QTMAN: variants seen among roughly 807,000 people sequenced by gnomAD.
QTMAN encodes tRNA-queuosine alpha-mannosyltransferase.
the QTMAN span, among the ~76,000 whole-genome samples, chr2:143,979,722 GAT>G: frequency 6.6e-6 from 1 of 152,072 alleles, no homozygotes; most frequent in Non-Finnish European, 1.5e-5. Context: ...AGCACATATA[GAT>G]ATCTCATTTT....
chr2:144,257,331 A>T, the QTMAN span, among the ~76,000 whole-genome samples: 1 of 152,122 alleles, frequency 6.6e-6, no homozygotes, highest in Non-Finnish European at 1.5e-5. Context: ...GAGTTATGAT[A>T]TTAAGTTTCT....
the QTMAN span, among the ~76,000 whole-genome samples, chr2:144,045,101 G>C: frequency 6.6e-6 from 1 of 152,146 alleles, no homozygotes; most frequent in Admixed American, 6.5e-5. Context: ...TGCTAAAGAG[G>C]GGCACAACCC....
the QTMAN span, among the ~76,000 whole-genome samples, chr2:144,133,116 AATATATATATAT>A: frequency 6.8e-4 from 28 of 41,370 alleles, no homozygotes; most frequent in African/African-American, 2.9e-3. Context: ...AATGACTGGT[AATATATATATAT>A]ATATATATAT....
At chr2:144,022,642 C>T in the QTMAN span, among the ~76,000 whole-genome samples, 1 of 142,772 alleles carries the variant, frequency 7.0e-6, no homozygotes, top group Admixed American at 7.3e-5. Flanking sequence ...CGGCTCATTG[C>T]AACTTCCGCC....
At chr2:144,102,511 C>G in the QTMAN span, among the ~76,000 whole-genome samples, 1 of 152,188 alleles carries the variant, frequency 6.6e-6, no homozygotes, top group Admixed American at 6.5e-5. Flanking sequence ...GGTCAAATAG[C>G]TGGTAAGTGA....
At chr2:144,124,130 G>A in the QTMAN span, among the ~76,000 whole-genome samples, 1 of 152,056 alleles carries the variant, frequency 6.6e-6, no homozygotes, top group African/African-American at 2.4e-5. Context: ...TAGTAGAAGC[G>A]TTCTAAATTT....
At chr2:144,120,477 C>G in the QTMAN span, among the ~76,000 whole-genome samples, 1 of 152,126 alleles carries the variant, frequency 6.6e-6, no homozygotes, top group South Asian at 2.1e-4. Flanking sequence ...GTAAGATAAC[C>G]AGAAGGAAAT....
chr2:143,952,760 T>C, the QTMAN span: 5 of 1,531,510 alleles, frequency 3.3e-6, no homozygotes, highest in Non-Finnish European at 4.5e-6. Context: ...TGAATGTACA[T>C]TAAAGCAGCT....
chr2:144,249,746 CAG>C, the QTMAN span, among the ~76,000 whole-genome samples: 1 of 152,092 alleles, frequency 6.6e-6, no homozygotes, highest in Non-Finnish European at 1.5e-5. Context: ...TAAATTATTA[CAG>C]AGAGTGGACA....
the QTMAN span, among the ~76,000 whole-genome samples, chr2:144,122,246 G>A: frequency 7.2e-5 from 11 of 152,098 alleles, no homozygotes; most frequent in African/African-American, 2.7e-4. Flanking sequence ...CTGACAAAGG[G>A]CAGTACTTCT....
chr2:144,126,555 A>AGTG, the QTMAN span, among the ~76,000 whole-genome samples: 1 of 152,062 alleles, frequency 6.6e-6, no homozygotes, highest in Non-Finnish European at 1.5e-5. Context: ...GTCCTCACTT[A>AGTG]ACGGCTTCAA....
the QTMAN span, among the ~76,000 whole-genome samples, chr2:144,099,511 A>G: frequency 1.1e-3 from 169 of 152,338 alleles, 2 homozygotes; most frequent in Admixed American, 1.3e-3. Flanking sequence ...GTATTCAAGC[A>G]AGGAAATGTG....
At chr2:144,332,850 T>C in the QTMAN span, among the ~76,000 whole-genome samples, 1 of 152,306 alleles carries the variant, frequency 6.6e-6, no homozygotes, top group Admixed American at 6.5e-5. Flanking sequence ...CCCAACCTCC[T>C]AGTCCTGTTC....
chr2:144,238,712 C>T, the QTMAN span, among the ~76,000 whole-genome samples: 1 of 152,088 alleles, frequency 6.6e-6, no homozygotes, highest in African/African-American at 2.4e-5. Context: ...ATCAATAACA[C>T]AGTTCTTCCA....
chr2:143,958,699 G>A, the QTMAN span, among the ~76,000 whole-genome samples: 1 of 151,512 alleles, frequency 6.6e-6, no homozygotes, highest in Non-Finnish European at 1.5e-5. Flanking sequence ...CTACAGGAGT[G>A]TGGACATTCT....
the QTMAN span, among the ~76,000 whole-genome samples, chr2:144,200,536 T>C: frequency 6.6e-6 from 1 of 152,178 alleles, no homozygotes; most frequent in African/African-American, 2.4e-5. Context: ...AAAAGAAATC[T>C]CATAATGTTT....
At chr2:144,063,033 A>T in the QTMAN span, among the ~76,000 whole-genome samples, 3 of 152,180 alleles carry the variant, frequency 2.0e-5, no homozygotes, top group African/African-American at 7.2e-5. Context: ...TTGGCCAATT[A>T]GAGTCATTTT....
At chr2:144,106,378 A>G in the QTMAN span, among the ~76,000 whole-genome samples, 1 of 152,234 alleles carries the variant, frequency 6.6e-6, no homozygotes, top group South Asian at 2.1e-4. Flanking sequence ...ATGCAGAGAC[A>G]CACATAGGCT....
the QTMAN span, among the ~76,000 whole-genome samples, chr2:144,208,389 G>A: frequency 3.9e-5 from 6 of 152,138 alleles, no homozygotes; most frequent in Non-Finnish European, 7.3e-5. Context: ...AACACATATG[G>A]TTGGTTCTAA....
Sources: gnomAD v4.1 joint callset for allele counts (sites outside exome capture counted in the v4.1 genomes callset) on GRCh38, gnomAD v4.1.1 for gene constraint, MANE v1.5 for transcripts, NCBI Gene and HGNC (gene_info 2026-07-23, HGNC 2026-07-21) for gene names.